RCBTB2: variants seen among roughly 807,000 people sequenced by gnomAD.
RCBTB2 encodes the protein RCC1 and BTB domain-containing protein 2.
RCBTB2 carries 55 observed loss-of-function variants against 65.4 expected under a neutral mutation model. The ratio of observed to expected loss-of-function variants is 0.84; its 90% CI spans 0.68 to 1.05. The LOEUF is 1.05. RCBTB2 is among the 50% of genes least tolerant of loss of function. RCBTB2 has a pLI of 0.00. For synonymous variants in RCBTB2, 220 were observed against 255.2 expected (o/e 0.86, Z 1.31); for missense variants, 599 against 680.1 (o/e 0.88, Z 1.33).
At chr13:48,525,141 T>C (rs1053479332) in intron 1 of RCBTB2, among the ~76,000 whole-genome samples, 16 of 151,684 alleles carry the variant, frequency 1.1e-4, no homozygotes, top group African/African-American at 3.9e-4. Flanking sequence ...AATATATTTA[T>C]GACCTCAGAG....
At chr13:48,527,827 A>C (rs1951891311) in intron 1 of RCBTB2, among the ~76,000 whole-genome samples, 2 of 152,218 alleles carry the variant, frequency 1.3e-5, no homozygotes, top group South Asian at 4.1e-4. Context: ...GTTGAAGACT[A>C]CTGAACAAGG....
chr13:48,500,861 T>C (rs1950203219), intron 12 of RCBTB2, among the ~76,000 whole-genome samples: 1 of 152,154 alleles, frequency 6.6e-6, no homozygotes, highest in Non-Finnish European at 1.5e-5. Flanking sequence ...GTTGATGTGA[T>C]ATAGAGAGAG....
At chr13:48,529,186 G>C (rs1405870630) in intron 1 of RCBTB2, among the ~76,000 whole-genome samples, 3 of 152,110 alleles carry the variant, frequency 2.0e-5, no homozygotes, top group Non-Finnish European at 4.4e-5. Context: ...AATGTGAGTT[G>C]AGATTTGAGA....
At chr13:48,521,153 T>C (rs1951402726) in intron 4 of RCBTB2, among the ~76,000 whole-genome samples, 1 of 152,216 alleles carries the variant, frequency 6.6e-6, no homozygotes, top group Non-Finnish European at 1.5e-5. Context: ...TACATTACTT[T>C]TGTAAACTAC....
At chr13:48,497,029 T>C (rs538096242) in intron 13 of RCBTB2, among the ~76,000 whole-genome samples, 3 of 152,292 alleles carry the variant, frequency 2.0e-5, no homozygotes, top group African/African-American at 7.2e-5. Flanking sequence ...ACTACTGCAG[T>C]CACACCCTTG....
chr13:48,524,785 C>A (rs993739808), intron 1 of RCBTB2, 28 bp from the exon 2 acceptor site: 2 of 152,058 alleles, frequency 1.3e-5, no homozygotes, highest in African/African-American at 4.8e-5. Flanking sequence ...CAAATAAATT[C>A]TATTAGAGAA....
intron 6 of RCBTB2, 90 bp downstream of exon 6, chr13:48,515,115 G>C (rs766693333): frequency 1.7e-6 from 2 of 1,191,594 alleles, no homozygotes. Flanking sequence ...CAATTTCACA[G>C]GAAGAGCTAG....
intron 4 of RCBTB2, among the ~76,000 whole-genome samples, chr13:48,519,192 G>A (rs954094837): frequency 1.5e-4 from 23 of 152,118 alleles, no homozygotes. Flanking sequence ...CATAAACTGT[G>A]ATACTGCTGG....
At chr13:48,522,072 T>C (rs1951459174) in intron 3 of RCBTB2, 110 bp from the exon 4 acceptor site, 2 of 962,480 alleles carry the variant, frequency 2.1e-6, no homozygotes, top group South Asian at 1.5e-5. Flanking sequence ...AGCTCAAATG[T>C]TGTGAAAGGA....
rs753057734 is a variant in RCBTB2, at chr13:48,490,216, G to A, written c.1551C>T (p.Asn517=). ...ATGTTTGTGTTACTACAGTCAGATG[G>A]TTTATGCAAAACCTGAAGCAGAATT... is the stretch of plus-strand genomic sequence containing the variant. ...LEEFCFRFCI[N]HLTVVTQTSG... Residue 517 remains asparagine, a synonymous_variant, in exon 15 of 15, where the codon AAC becomes AAT. Coordinates refer to ENST00000344532, the MANE Select transcript of RCBTB2 (RefSeq NM_001268.4). 6.2e-7 allele frequency: 1 copy of A among 1,613,654 alleles called. No homozygotes were observed. The highest frequency in any genetic ancestry group is 8.5e-7 in the Non-Finnish European group (1 of 1,179,612).
chr13:48,498,126 G>C (rs142277401), intron 13 of RCBTB2, among the ~76,000 whole-genome samples: 1,671 of 152,298 alleles, frequency 0.011, 11 homozygotes, highest in Middle Eastern at 0.027. Context: ...AACCTGGGTT[G>C]GGGGTGGATA....
intron 12 of RCBTB2, 146 bp from the exon 13 acceptor site, chr13:48,499,906 C>G (rs571026297): frequency 1.2e-5 from 12 of 961,826 alleles, no homozygotes; most frequent in Non-Finnish European, 1.8e-5. Flanking sequence ...GGTTTTCAAA[C>G]AATCATCTAT....
Position 48,496,330 on chromosome 13 carries a change from A to G in RCBTB2, c.1385-9T>C. 6.5e-7 allele frequency: 1 copy of G among 1,546,090 alleles called. No individual in the cohort carries two copies. Among genetic ancestry groups the G allele is most frequent in the Admixed American group, 2.1e-5 (1 of 48,632 alleles). On this transcript the variant is annotated splice_polypyrimidine_tract_variant and intron_variant, in intron 13 of 14. Transcript: ENST00000344532. ...AGCCAAGTCTAGCAGTCCTGGCGGA[A>G]AGAGGTGTTTATTAGGGGGAGTGAT... is the stretch of plus-strand genomic sequence containing the variant.
intron 10 of RCBTB2, among the ~76,000 whole-genome samples, chr13:48,507,194 C>G (rs753820917): frequency 6.6e-6 from 1 of 152,162 alleles, no homozygotes. Flanking sequence ...AGGGGTGGGG[C>G]GCGGATTTGG....
intron 14 of RCBTB2, among the ~76,000 whole-genome samples, chr13:48,493,003 A>G (rs1312080388): frequency 2.0e-5 from 3 of 152,100 alleles, no homozygotes; most frequent in Non-Finnish European, 4.4e-5. Flanking sequence ...CCTATCTTCT[A>G]TATCTCAATA....
Position 48,492,767 on chromosome 13 carries a change from G to A in RCBTB2, c.1516-2516C>T, listed in dbSNP as rs114614401. 9.4e-3 allele frequency among the ~76,000 whole-genome samples: 1,433 copies of A among 152,208 alleles called. 17 individuals carry two copies. Among genetic ancestry groups the A allele is most frequent in the African/African-American group, 0.033 (1,388 of 41,514 alleles). The stretch of plus-strand genomic sequence containing the variant: ...CACTCCTCTTCAGTCTCCTTTGCTG[G>A]TGTCTCCTTATCTCCTTAACCTCTA... On this transcript the variant is annotated intron_variant, in intron 14 of 14. Coordinates refer to ENST00000344532, the MANE Select transcript of RCBTB2 (RefSeq NM_001268.4).
At chr13:48,534,508 G>A (rs755578550), upstream of RCBTB2, among the ~76,000 whole-genome samples, 2 of 152,128 alleles carry the variant, frequency 1.3e-5, no homozygotes, top group Non-Finnish European at 2.9e-5. Flanking sequence ...GGTCTTTTAC[G>A]CATTATGGAC....
chr13:48,493,311 A>ACCCTCTCTCTCTCTCTCT (rs773819158), intron 14 of RCBTB2, among the ~76,000 whole-genome samples: 1 of 57,338 alleles, frequency 1.7e-5, no homozygotes, highest in Non-Finnish European at 3.6e-5. Context: ...ACACACACAC[A>ACCCTCTCTCTCTCTCTCT]CACACTCTCT....
At chr13:48,506,299 G>A (rs1032496044) in intron 10 of RCBTB2, among the ~76,000 whole-genome samples, 13 of 152,222 alleles carry the variant, frequency 8.5e-5, no homozygotes, top group Admixed American at 6.5e-4. Flanking sequence ...ATCCAGAGCC[G>A]AAGAGTTCTG....
Sources: gnomAD v4.1 joint callset for allele counts (sites outside exome capture counted in the v4.1 genomes callset) on GRCh38, gnomAD v4.1.1 for gene constraint, MANE v1.5 for transcripts, NCBI Gene and HGNC (gene_info 2026-07-23, HGNC 2026-07-21) for gene names.